The following GALNT17 variants were observed in gnomAD, a reference collection of about 807,000 sequenced individuals.
GALNT17 encodes the protein UDP-GalNAc:polypeptide N-acetylgalactosaminyltransferase-like 3.
In GALNT17, 29 loss-of-function variants were observed where a neutral mutation model predicts 63.7. The observed-to-expected ratio is 0.46, with a 90% CI of 0.34 to 0.62. The LOEUF is 0.62. GALNT17 is among the 20% of genes least tolerant of loss of function. The probability of loss-of-function intolerance (pLI) is 0.01; values close to 1 mark genes in which losing one functional copy is unlikely to be tolerated. For synonymous variants in GALNT17, 305 were observed against 318.3 expected (o/e 0.96, Z 0.45); for missense variants, 603 against 799.6 (o/e 0.75, Z 2.97).
rs535539259 is a variant in GALNT17, at chr7:71,421,347, G to GAT, written c.962+244_962+245dup. The stretch of plus-strand genomic sequence containing the variant: ...CAGCGATACTGAGAAGTTTCAAACT[G>GAT]ATAGTAATGTTCACACTTCTTTATT... On this transcript the variant is annotated intron_variant, in intron 5 of 10. Transcript: ENST00000333538. Among the ~76,000 whole-genome samples the GAT allele has an allele frequency of 4.6e-5, 7 of 152,336 alleles. No homozygotes were observed. The South Asian group carries it at 1.5e-3, about 32-fold the overall frequency.
intron 3 of GALNT17, among the ~76,000 whole-genome samples, chr7:71,395,628 A>G (rs1473773590): frequency 6.6e-6 from 1 of 152,172 alleles, no homozygotes; most frequent in Non-Finnish European, 1.5e-5. Context: ...GGGTTATGTG[A>G]TAATTCTGTG....
chr7:71,371,711 A>T (rs1792626740), intron 2 of GALNT17, among the ~76,000 whole-genome samples: 1 of 152,074 alleles, frequency 6.6e-6, no homozygotes. Flanking sequence ...TTTTCCCTAT[A>T]TTTATAATTC....
At chr7:71,499,874 G>T (rs1159783142) in intron 5 of GALNT17, among the ~76,000 whole-genome samples, 1 of 152,112 alleles carries the variant, frequency 6.6e-6, no homozygotes, top group East Asian at 1.9e-4. Context: ...GATCATGGGG[G>T]TGGTTACCCC....
chr7:71,172,556 G>T (rs1419906457), intron 1 of GALNT17, among the ~76,000 whole-genome samples: 1 of 151,898 alleles, frequency 6.6e-6, no homozygotes, highest in Non-Finnish European at 1.5e-5. Flanking sequence ...TCTCTAATGT[G>T]ATCTGTGATG....
At chr7:71,526,383 C>A (rs922453421) in intron 5 of GALNT17, among the ~76,000 whole-genome samples, 4 of 151,712 alleles carry the variant, frequency 2.6e-5, no homozygotes, top group African/African-American at 9.8e-5. Context: ...AGACTTCTCA[C>A]ACTGAAATGC....
rs574358776 is a variant in GALNT17, at chr7:71,514,888, G to A, written c.963-56397G>A. On this transcript the variant is annotated intron_variant, in intron 5 of 10. Transcript: ENST00000333538. ...GCTCCCGTAATTCCCACGTGTTGTG[G>A]GAGGGACCTGGTGGGAGATAATTCA... 9.8e-4 allele frequency among the ~76,000 whole-genome samples: 149 copies of A among 152,260 alleles called. No homozygotes were observed. In the Middle Eastern group the frequency reaches 0.01, roughly 10 times the overall value.
At position 71,469,437 on chromosome 7, in the gene GALNT17, C is replaced by T. The variant is rs144576619; in HGVS notation, c.962+48332C>T. ...ACTGAGCAAAGAACGATTTACAAAC[C>T]GGGCAACCCCTGAACCAGAATAGGT... On this transcript the variant is annotated intron_variant, in intron 5 of 10. Transcript: ENST00000333538. Among the ~76,000 whole-genome samples the T allele has an allele frequency of 5.3e-3, 801 of 152,270 alleles. 8 individuals are homozygous for T. The highest frequency in any genetic ancestry group is 0.018 in the African/African-American group (765 of 41,546).
intron 1 of GALNT17, among the ~76,000 whole-genome samples, chr7:71,205,441 C>T (rs537285757): frequency 3.9e-5 from 6 of 152,130 alleles, no homozygotes; most frequent in African/African-American, 1.2e-4. Flanking sequence ...CATGAGCCAC[C>T]GTGCCCGGCC....
At chr7:71,319,311 AC>A (rs565991697) in intron 1 of GALNT17, among the ~76,000 whole-genome samples, 131 of 152,156 alleles carry the variant, frequency 8.6e-4, no homozygotes, top group African/African-American at 2.9e-3. Flanking sequence ...GGTGCTGTGA[AC>A]ATCACCAATG....
chr7:71,623,512 G>T (rs570921533), intron 6 of GALNT17, among the ~76,000 whole-genome samples: 3 of 151,914 alleles, frequency 2.0e-5, no homozygotes, highest in African/African-American at 7.2e-5. Context: ...CTGCACCCTG[G>T]GCTCAAGTGA....
At chr7:71,208,922 G>C (rs17592881) in intron 1 of GALNT17, among the ~76,000 whole-genome samples, 1 of 151,912 alleles carries the variant, frequency 6.6e-6, no homozygotes, top group Non-Finnish European at 1.5e-5. Flanking sequence ...TGCTACCTTT[G>C]TCCAGTAATT....
chr7:71,297,892 C>T lies in GALNT17; in HGVS notation c.239-37658C>T, dbSNP rs545544163. ...AAGTTCTGGAACAGGCAAACATCAT[C>T]TCTGGGGTGGGGAGAATTGCCTGGA... On this transcript the variant is annotated intron_variant, in intron 1 of 10. Coordinates refer to ENST00000333538, the MANE Select transcript of GALNT17 (RefSeq NM_022479.3). 2.0e-5 allele frequency among the ~76,000 whole-genome samples: 3 copies of T among 152,294 alleles called. No homozygotes were observed. The East Asian group carries it at 5.8e-4, about 29-fold the overall frequency.
chr7:71,690,095 G>A (rs1791419537), intron 9 of GALNT17, among the ~76,000 whole-genome samples: 1 of 151,400 alleles, frequency 6.6e-6, no homozygotes, highest in Non-Finnish European at 1.5e-5. Context: ...CGCAATCTCG[G>A]CTCACTGCAA....
At chr7:71,438,272 A>G (rs542785106) in intron 5 of GALNT17, among the ~76,000 whole-genome samples, 1 of 152,208 alleles carries the variant, frequency 6.6e-6, no homozygotes, top group Non-Finnish European at 1.5e-5. Flanking sequence ...TTGCAGTCCA[A>G]TGTTTGAGGG....
At chr7:71,626,088 C>CA (rs1371388170) in intron 6 of GALNT17, among the ~76,000 whole-genome samples, 1 of 151,864 alleles carries the variant, frequency 6.6e-6, no homozygotes, top group African/African-American at 2.4e-5. Context: ...TACTAAAATA[C>CA]AAAAAATTAG....
At position 71,335,606 on chromosome 7, in the gene GALNT17, C is replaced by T; in HGVS notation, c.295C>T (p.Leu99Phe). ...TTATGGTGGGCGGGGTAAAGGGGGC[C>T]TTCCGGCTACTCTTTCCCCGGCTGA... ...EGYGGRGKGG[L>F]PATLSPAEEE... The change falls in exon 2 of 11, where the codon CTT (leucine) becomes TTT (phenylalanine). Residue 99 changes from leucine to phenylalanine, a missense_variant. Transcript: ENST00000333538. The T allele has an allele frequency of 6.2e-7, 1 of 1,612,686 alleles. No individual in the cohort carries two copies. The highest frequency in any genetic ancestry group is 8.5e-7 in the Non-Finnish European group (1 of 1,179,310).
At chr7:71,643,094 A>G in intron 6 of GALNT17, among the ~76,000 whole-genome samples, 1 of 152,110 alleles carries the variant, frequency 6.6e-6, no homozygotes. Flanking sequence ...TTCCAGGACA[A>G]AGACCTGGGG....
chr7:71,420,716 C>T (rs1300168783), intron 4 of GALNT17, among the ~76,000 whole-genome samples, 192 bp from the exon 5 acceptor site: 2 of 152,156 alleles, frequency 1.3e-5, no homozygotes, highest in Non-Finnish European at 2.9e-5. Context: ...TGATTTCACA[C>T]GCTTCACAGC....
At chr7:71,391,980 CTG>C (rs972860040) in intron 3 of GALNT17, among the ~76,000 whole-genome samples, 1 of 152,034 alleles carries the variant, frequency 6.6e-6, no homozygotes, top group Non-Finnish European at 1.5e-5. Flanking sequence ...GTCCCAGACT[CTG>C]TGAGAACTTC....
Sources: allele counts gnomAD v4.1 joint callset (sites outside exome capture counted in the v4.1 genomes callset), GRCh38; gene constraint gnomAD v4.1.1; transcripts MANE v1.5; gene names NCBI Gene and HGNC (gene_info 2026-07-23, HGNC 2026-07-21).